The following PLEKHG1 variants were observed in gnomAD, a reference collection of about 807,000 sequenced individuals.
PLEKHG1 encodes pleckstrin homology domain-containing family G member 1.
A neutral mutation model predicts 100.8 loss-of-function variants in PLEKHG1; 44 were observed. That is an observed-to-expected ratio of 0.44 (90% CI 0.34 to 0.56). The LOEUF is 0.56. Ranked by LOEUF, PLEKHG1 falls within the 20% of genes least tolerant of loss-of-function variation. The pLI, the probability that PLEKHG1 is intolerant of heterozygous loss-of-function variation, is 0.01. For missense variants in PLEKHG1, 1,545 were observed against 1,720.9 expected (o/e 0.90, Z 1.81); for synonymous variants, 640 against 662.5 (o/e 0.97, Z 0.52).
chr6:150,797,907 T>C (rs1413489786), intron 5 of PLEKHG1, among the ~76,000 whole-genome samples: 1 of 136,608 alleles, frequency 7.3e-6, no homozygotes. Flanking sequence ...CTCAACTTAC[T>C]CTGGCAAATA....
At chr6:150,810,959 T>C (rs1649432747) in intron 10 of PLEKHG1, among the ~76,000 whole-genome samples, 3 of 151,674 alleles carry the variant, frequency 2.0e-5, no homozygotes. Flanking sequence ...TTGCAGGCTC[T>C]GTGGAGGTGG....
chr6:150,778,363 G>A (rs751159873), intron 3 of PLEKHG1, among the ~76,000 whole-genome samples: 2 of 152,112 alleles, frequency 1.3e-5, no homozygotes, highest in Non-Finnish European at 2.9e-5. Flanking sequence ...CCTGGCCTCA[G>A]GTGATCCGCC....
intron 3 of PLEKHG1, chr6:150,662,569 C>T (rs1189988745): frequency 6.6e-6 from 1 of 152,126 alleles, no homozygotes; most frequent in Non-Finnish European, 1.5e-5. Context: ...GTGTGCGCCA[C>T]CCCACCTGGC....
In PLEKHG1 at chr6:150,831,225, A is replaced by C; in HGVS notation, c.2114A>C (p.Gln705Pro). 2 of 1,614,168 alleles carry C rather than the reference A, an allele frequency of 1.2e-6. No individual in the cohort carries two copies. The highest frequency in any genetic ancestry group is 2.2e-5 in the South Asian group (2 of 91,088). The change falls in exon 15 of 16, where the codon CAA becomes CCA. Residue 705 changes from glutamine to proline, a missense_variant. Transcript: ENST00000358517. The surrounding 1 kb of genome is among the most constrained non-coding windows in gnomAD (Gnocchi z 4.1). ...CCAGAGTTAGCCTTCACAAAGAGGC[A>C]AGCTGGCCACAGTAAGGGCTCTCTT...
At chr6:150,770,014 T>C (rs1486528312) in intron 3 of PLEKHG1, among the ~76,000 whole-genome samples, 1 of 152,158 alleles carries the variant, frequency 6.6e-6, no homozygotes, top group Non-Finnish European at 1.5e-5. Context: ...TCCAAACTTG[T>C]ATTGAAGGAA....
intron 2 of PLEKHG1, among the ~76,000 whole-genome samples, chr6:150,749,489 C>T (rs1209324014): frequency 6.6e-6 from 1 of 152,082 alleles, no homozygotes; most frequent in East Asian, 1.9e-4. Context: ...GTGACATTAC[C>T]CTTTTTTCCC....
chr6:150,840,709 T>G, exon 16 of PLEKHG1: 1 of 1,614,208 alleles, frequency 6.2e-7, no homozygotes, highest in Non-Finnish European at 8.5e-7. Context: ...TTGCATTCTT[T>G]GAATAGTCCG....
At chr6:150,818,863 C>T (rs188353159) in intron 11 of PLEKHG1, among the ~76,000 whole-genome samples, 5 of 152,336 alleles carry the variant, frequency 3.3e-5, no homozygotes, top group East Asian at 3.9e-4. Context: ...TTTACTTAAC[C>T]CTTTCATAAG....
intron 2 of PLEKHG1, among the ~76,000 whole-genome samples, chr6:150,760,718 GTCT>G (rs1230169475): frequency 2.0e-5 from 3 of 151,260 alleles, no homozygotes; most frequent in Non-Finnish European, 4.4e-5. Flanking sequence ...TTGCAAATAG[GTCT>G]GGAAAGATAT....
chr6:150,823,372 G>A (rs964480945), intron 13 of PLEKHG1, among the ~76,000 whole-genome samples: 1 of 152,100 alleles, frequency 6.6e-6, no homozygotes, highest in Admixed American at 6.5e-5. Context: ...ATTTTTGTTC[G>A]GAAGCTTTTG....
intron 3 of PLEKHG1, among the ~76,000 whole-genome samples, chr6:150,708,793 C>T (rs1431524093): frequency 6.6e-6 from 1 of 152,180 alleles, no homozygotes; most frequent in Non-Finnish European, 1.5e-5. Flanking sequence ...ATGGCAGGTG[C>T]TTATTTGGGA....
At chr6:150,772,276 G>A (rs1784750266) in intron 3 of PLEKHG1, among the ~76,000 whole-genome samples, 1 of 152,288 alleles carries the variant, frequency 6.6e-6, no homozygotes, top group East Asian at 1.9e-4. Flanking sequence ...GTACACAACT[G>A]TGCTGGAACT....
At chr6:150,786,932 G>A (rs1156292265) in intron 4 of PLEKHG1, among the ~76,000 whole-genome samples, 2 of 151,408 alleles carry the variant, frequency 1.3e-5, no homozygotes, top group Non-Finnish European at 2.9e-5. Context: ...GGTGGCTGAG[G>A]CAGGAGAATC....
chr6:150,635,321 G>A lies in PLEKHG1; in HGVS notation c.-203-2759G>A, dbSNP rs967137401. 4.6e-5 allele frequency among the ~76,000 whole-genome samples: 7 copies of A among 151,982 alleles called. No individual in the cohort carries two copies. The South Asian group carries it at 1.5e-3, about 32-fold the overall frequency. Reference sequence around the variant, plus strand: ...GACATTGAAATGTTTTTAATGCCCCGAGATAATGAATGGGAATCTTAATAG... The same window carrying A: ...GACATTGAAATGTTTTTAATGCCCCAAGATAATGAATGGGAATCTTAATAG... On this transcript the variant is annotated intron_variant, in intron 1 of 3. Coordinates refer to the PLEKHG1 transcript ENST00000367326.
rs140141475 is a variant in PLEKHG1 at position 150,617,334 on chromosome 6, G to A, written c.-204+17317G>A. Among the ~76,000 whole-genome samples the A allele has an allele frequency of 5.3e-3, 802 of 152,258 alleles. 12 individuals carry two copies. The highest frequency in any genetic ancestry group is 0.018 in the African/African-American group (744 of 41,532). ...TTTAAAAAGTTTTTGCTAAGACAGC[G>A]CTTTTATCCTCCAGTTGAGTCAACG... On this transcript the variant is annotated intron_variant, in intron 1 of 3. Coordinates refer to the PLEKHG1 transcript ENST00000367326.
At chr6:150,822,329 C>T (rs1776354320) in intron 13 of PLEKHG1, among the ~76,000 whole-genome samples, 1 of 152,106 alleles carries the variant, frequency 6.6e-6, no homozygotes, top group Non-Finnish European at 1.5e-5. Flanking sequence ...AAAATAGTCA[C>T]TCCAAAACTG....
chr6:150,734,023 G>A (rs1163068142), exon 2 of PLEKHG1: 22 of 1,614,094 alleles, frequency 1.4e-5, no homozygotes, highest in Non-Finnish European at 1.9e-5. Flanking sequence ...TCCTCTATGT[G>A]GATAGAGTTG....
chr6:150,620,393 C>G (rs1777249157), intron 1 of PLEKHG1, among the ~76,000 whole-genome samples: 1 of 152,242 alleles, frequency 6.6e-6, no homozygotes, highest in African/African-American at 2.4e-5. Context: ...CAGGCCAGAC[C>G]TAGTGGGTCT....
At chr6:150,603,109 G>GAAA (rs1776435671) in intron 1 of PLEKHG1, among the ~76,000 whole-genome samples, 1 of 134,808 alleles carries the variant, frequency 7.4e-6, no homozygotes, top group East Asian at 2.2e-4. Context: ...AAAAAGAAAA[G>GAAA]AAAAAATTAT....
Sources: allele counts gnomAD v4.1 joint callset (sites outside exome capture counted in the v4.1 genomes callset), GRCh38; gene constraint gnomAD v4.1.1; non-coding constraint Gnocchi (gnomAD v3.1); transcripts MANE v1.5; gene names NCBI Gene and HGNC (gene_info 2026-07-23, HGNC 2026-07-21).